Variants in RBFOX1 observed in about 807,000 individuals in gnomAD.
The protein encoded by RBFOX1 is RNA binding fox-1 homolog 1.
In RBFOX1, 8 loss-of-function variants were observed where a neutral mutation model predicts 57.7. That is an observed-to-expected ratio of 0.14 (90% CI 0.08 to 0.25). The LOEUF (loss-of-function observed/expected upper bound fraction) is 0.25, where lower values mean the gene tolerates loss of function less well. Among genes scored for constraint, RBFOX1 ranks in the 10% least tolerant of loss-of-function variants. The pLI, the probability that RBFOX1 is intolerant of heterozygous loss-of-function variation, is 1.00. For missense variants in RBFOX1, 611 were observed against 548.5 expected (o/e 1.11, Z -1.14); for synonymous variants, 326 against 222.4 (o/e 1.47, Z -4.15).
chr16:6,874,087 A>T (rs553582554), intron 3 of RBFOX1: 1 of 152,226 alleles, frequency 6.6e-6, no homozygotes. Flanking sequence ...TTGCACATGC[A>T]TGTTTATAGC....
intron 1 of RBFOX1, among the ~76,000 whole-genome samples, chr16:6,078,487 G>A (rs190758112): frequency 5.1e-4 from 77 of 152,006 alleles, no homozygotes; most frequent in East Asian, 1.9e-4. Flanking sequence ...TTCTTCCGCC[G>A]TGGCTCAGGG....
intron 1 of RBFOX1, among the ~76,000 whole-genome samples, chr16:6,198,020 A>T (rs947963909): frequency 1.3e-5 from 2 of 152,188 alleles, no homozygotes; most frequent in African/African-American, 4.8e-5. Flanking sequence ...AAAGGTCTTT[A>T]ATCTCTTTCA....
intron 4 of RBFOX1, among the ~76,000 whole-genome samples, chr16:7,450,132 A>T (rs2098840142): frequency 6.6e-6 from 1 of 152,186 alleles, no homozygotes; most frequent in African/African-American, 2.4e-5. Flanking sequence ...GCGGTGGCTC[A>T]TGCCTGTAAT....
At chr16:5,373,939 T>C (rs1213068336) in intron 1 of RBFOX1, among the ~76,000 whole-genome samples, 2 of 151,386 alleles carry the variant, frequency 1.3e-5, no homozygotes, top group Non-Finnish European at 2.9e-5. Flanking sequence ...CAGTTTGAGA[T>C]GGAGTCTTAC....
intron 2 of RBFOX1, among the ~76,000 whole-genome samples, chr16:6,553,628 G>T (rs1054334043): frequency 6.6e-6 from 1 of 151,964 alleles, no homozygotes; most frequent in African/African-American, 2.4e-5. Context: ...ACGCGGTGGG[G>T]ATGGACGATC....
chr16:5,741,612 T>C (rs1303536229), intron 3 of RBFOX1, among the ~76,000 whole-genome samples: 3 of 152,228 alleles, frequency 2.0e-5, no homozygotes, highest in African/African-American at 7.2e-5. Flanking sequence ...ACACTTATTT[T>C]TATATTTCTC....
intron 4 of RBFOX1, among the ~76,000 whole-genome samples, chr16:7,505,242 C>CA (rs34767987): frequency 0.18 from 20,612 of 113,812 alleles, 3,692 homozygotes; most frequent in African/African-American, 0.47. Flanking sequence ...AGTGATGGAC[C>CA]AAAAAAAAAA....
intron 3 of RBFOX1, among the ~76,000 whole-genome samples, chr16:6,855,077 G>C (rs1423395984): frequency 1.3e-5 from 2 of 152,028 alleles, no homozygotes; most frequent in African/African-American, 4.8e-5. Context: ...AGAGAGTGAT[G>C]ATCCCAACAG....
intron 3 of RBFOX1, among the ~76,000 whole-genome samples, chr16:6,857,550 A>T (rs1442791366): frequency 1.3e-5 from 2 of 152,196 alleles, no homozygotes; most frequent in Admixed American, 1.3e-4. Context: ...TATTGACTAC[A>T]ATTCAAGGCT....
At chr16:6,761,779 A>C (rs1039205463) in intron 3 of RBFOX1, among the ~76,000 whole-genome samples, 9 of 152,124 alleles carry the variant, frequency 5.9e-5, no homozygotes, top group Middle Eastern at 3.4e-3. Context: ...TGCTGGGATT[A>C]CAGGCATGAG....
At chr16:6,213,843 A>G (rs1176457440) in intron 1 of RBFOX1, among the ~76,000 whole-genome samples, 1 of 152,112 alleles carries the variant, frequency 6.6e-6, no homozygotes, top group Non-Finnish European at 1.5e-5. Context: ...TTGGAACTGG[A>G]CAGTTCTTTG....
chr16:5,677,503 G>A (rs1012110790), intron 3 of RBFOX1, among the ~76,000 whole-genome samples: 1 of 152,106 alleles, frequency 6.6e-6, no homozygotes, highest in Admixed American at 6.5e-5. Context: ...CCTACGACTC[G>A]CCTGCCTCCC....
At chr16:5,591,117 A>T (rs955943666) in intron 2 of RBFOX1, among the ~76,000 whole-genome samples, 2 of 152,180 alleles carry the variant, frequency 1.3e-5, no homozygotes, top group Admixed American at 1.3e-4. Flanking sequence ...TTTCTTTTAA[A>T]AATCAAATAA....
chr16:6,347,684 A>G (rs778531814), intron 2 of RBFOX1, among the ~76,000 whole-genome samples: 4 of 152,198 alleles, frequency 2.6e-5, no homozygotes, highest in East Asian at 3.9e-4. Flanking sequence ...AACAATTATT[A>G]TATCCTATGT....
chr16:5,298,562 C>T (rs1596446758), intron 1 of RBFOX1, among the ~76,000 whole-genome samples: 1 of 16,000 alleles, frequency 6.3e-5, no homozygotes, highest in Non-Finnish European at 1.1e-4. Flanking sequence ...CCTCCCCTCC[C>T]CTCCCCTCCT....
At chr16:5,703,444 G>A (rs966413571) in intron 3 of RBFOX1, among the ~76,000 whole-genome samples, 2 of 152,216 alleles carry the variant, frequency 1.3e-5, no homozygotes, top group African/African-American at 4.8e-5. Flanking sequence ...GGAGCCCAGA[G>A]GGCAAGCTGG....
At chr16:7,012,601 C>T (rs376888977) in intron 3 of RBFOX1, among the ~76,000 whole-genome samples, 19 of 152,276 alleles carry the variant, frequency 1.2e-4, no homozygotes, top group African/African-American at 4.1e-4. Flanking sequence ...GCTAACAAAA[C>T]ATTGGAACAG....
At chr16:5,714,901 A>T (rs953219902) in intron 3 of RBFOX1, among the ~76,000 whole-genome samples, 87 of 152,334 alleles carry the variant, frequency 5.7e-4, no homozygotes, top group African/African-American at 2.1e-3. Flanking sequence ...TCAGTGTCAA[A>T]CACAGAGGCA....
chr16:5,940,131 C>T (rs146780617), intron 4 of RBFOX1, among the ~76,000 whole-genome samples: 1,865 of 152,276 alleles, frequency 0.012, 19 homozygotes, highest in Middle Eastern at 0.031. Flanking sequence ...TGATAATGGT[C>T]CCCTGAGACC....
Sources: allele counts gnomAD v4.1 joint callset (sites outside exome capture counted in the v4.1 genomes callset), GRCh38; gene constraint gnomAD v4.1.1; transcripts MANE v1.5; gene names NCBI Gene and HGNC (gene_info 2026-07-23, HGNC 2026-07-21).